VPS13C: variants seen among roughly 807,000 people sequenced by gnomAD.
VPS13C encodes vacuolar protein sorting 13 homolog C.
A neutral mutation model predicts 456.8 loss-of-function variants in VPS13C; 358 were observed. That is an observed-to-expected ratio of 0.78 (90% CI 0.72 to 0.86). The LOEUF (loss-of-function observed/expected upper bound fraction) is 0.86. VPS13C is among the 40% of genes least tolerant of loss of function. The pLI is 0.00. For synonymous variants in VPS13C, 1,578 were observed against 1,486.7 expected, an observed-to-expected ratio of 1.06 and a Z score of -1.41; for missense variants, 4,818 against 4,385.4, an observed-to-expected ratio of 1.10 and a Z score of -2.79.
Position 61,853,059 on chromosome 15 carries a change from G to A in VPS13C, c.*1398C>T, listed in dbSNP as rs1893728829. ...TCAACCAAAAAACTTACATATTTTT[G>A]AGTATTTTTTAAAGTTTTAATAGTT... is the stretch of plus-strand genomic sequence containing the variant. On this transcript the variant is annotated 3_prime_UTR_variant, in exon 85 of 85. Coordinates refer to ENST00000644861, the MANE Select transcript of VPS13C (RefSeq NM_020821.3). 6.6e-6 allele frequency: 1 copy of A among 151,968 alleles called. No individual in the cohort carries two copies. Among genetic ancestry groups the A allele is most frequent in the Non-Finnish European group, 1.5e-5 (1 of 67,968 alleles). 9.4% of individuals were successfully genotyped at this position (151,968 alleles called of 1,614,324 possible). A position where few individuals can be genotyped will look rare whatever the true frequency, so the allele number is the denominator to read the frequency against.
intron 67 of VPS13C, among the ~76,000 whole-genome samples, chr15:61,888,743 G>A (rs947951754): frequency 6.6e-6 from 1 of 152,066 alleles, no homozygotes; most frequent in Non-Finnish European, 1.5e-5. Flanking sequence ...GACTTTTAGG[G>A]CAGTGAAACT....
At chr15:61,908,305 T>C (rs756371624) in intron 65 of VPS13C, among the ~76,000 whole-genome samples, 12 of 151,956 alleles carry the variant, frequency 7.9e-5, no homozygotes, top group Non-Finnish European at 1.3e-4. Flanking sequence ...AATTTACATA[T>C]ATACATACAT....
At chr15:61,883,203 CT>C (rs35797570) in intron 68 of VPS13C, among the ~76,000 whole-genome samples, 128 of 140,494 alleles carry the variant, frequency 9.1e-4, no homozygotes, top group African/African-American at 8.6e-4. Context: ...ATTTTATTAT[CT>C]TTTTTTTTTT....
rs1005897861 is a variant in VPS13C, at chr15:61,875,566, T to C, written c.10338+166A>G. Among the ~76,000 whole-genome samples, 13 of 152,184 alleles carry C rather than the reference T, an allele frequency of 8.5e-5. No homozygotes were observed. The East Asian group carries it at 2.3e-3, about 27-fold the overall frequency. On this transcript the variant is annotated intron_variant, in intron 76 of 84. Coordinates refer to ENST00000644861, the MANE Select transcript of VPS13C (RefSeq NM_020821.3). ...CATTAAATTCTAAACAATCATCCAA[T>C]GTTATCTCATGTACCTTTAAATAAA...
rs2046940161 is a variant in VPS13C, at chr15:62,008,734, A to G, written c.1039T>C (p.Ser347Pro). 2 of 1,604,568 alleles carry G rather than the reference A, an allele frequency of 1.2e-6. No individual in the cohort carries two copies. Among genetic ancestry groups the G allele is most frequent in the Admixed American group, 3.4e-5 (2 of 59,482 alleles). ...GCATTCCTAACCATATAATCCACTG[A>G]CTCCAAAAGGTCAATCATACTTAAG... is the stretch of plus-strand genomic sequence containing the variant. ...QYLSMIDLLE[S>P]VDYMVRNAPY... is the part of the protein sequence containing the mutation. The change falls in exon 14 of 85, where the codon TCA becomes CCA. Residue 347 changes from serine (S) to proline (P), a missense_variant. By Grantham distance (74) the Ser-to-Pro change is moderately conservative (BLOSUM62 -1). Around this residue, in one of 3 missense-constraint regions of VPS13C, gnomAD observed 4,552 missense variants for 4,130.6 expected, o/e 1.10. Transcript: ENST00000644861.
chr15:61,964,710 G>C lies in VPS13C; in HGVS notation c.3203C>G (p.Thr1068Ser). The change falls in exon 31 of 85, where the codon ACT (threonine) becomes AGT (serine). Residue 1068 changes from threonine (T) to serine (S), a missense_variant. Thr to Ser is a moderately conservative substitution (Grantham distance 58). This residue lies in a region of VPS13C where 4,552 missense variants were observed against 4,130.6 expected (regional missense o/e 1.10). Transcript: ENST00000644861. Reference protein sequence around the residue: ...ISTEKQQKNSTLPKAIVSSRD... With the variant: ...ISTEKQQKNSSLPKAIVSSRD... ...TGTATGTTTCATACCTTTTGGCAGA[G>C]TTGAATTTTTTTGTTGTTTTTCAGT... The C allele has an allele frequency of 6.2e-7, 1 of 1,600,570 alleles. No homozygotes were observed. Among genetic ancestry groups the C allele is most frequent in the Non-Finnish European group, 8.5e-7 (1 of 1,175,904 alleles).
chr15:62,045,116 A>G (rs917304988), intron 1 of VPS13C, among the ~76,000 whole-genome samples: 1 of 152,128 alleles, frequency 6.6e-6, no homozygotes, highest in Non-Finnish European at 1.5e-5. Context: ...ACATCATTTT[A>G]GAGATCTGCT....
chr15:61,924,335 A>T (rs2043769862), intron 53 of VPS13C, among the ~76,000 whole-genome samples: 1 of 152,216 alleles, frequency 6.6e-6, no homozygotes, highest in Admixed American at 6.5e-5. Context: ...TCTGAATTAA[A>T]GGCCCCATGC....
intron 53 of VPS13C, 113 bp downstream of exon 53, chr15:61,925,343 T>C (rs780990559): frequency 4.0e-6 from 2 of 502,886 alleles, no homozygotes; most frequent in Admixed American, 8.2e-5. Context: ...AATATGTGAC[T>C]AGCATAATGC....
At chr15:61,897,762 A>C (rs2042873532) in intron 66 of VPS13C, among the ~76,000 whole-genome samples, 1 of 152,160 alleles carries the variant, frequency 6.6e-6, no homozygotes, top group Non-Finnish European at 1.5e-5. Flanking sequence ...CACCACAAAG[A>C]TACTCCTCGA....
chr15:61,866,919 T>C, intron 81 of VPS13C: 2 of 984,618 alleles, frequency 2.0e-6, no homozygotes, highest in Non-Finnish European at 1.2e-6. Flanking sequence ...TTTGGCTTCA[T>C]TTCTGAGGAG....
At chr15:61,967,292 C>G in intron 29 of VPS13C, 76 bp downstream of exon 29, 1 of 1,269,278 alleles carries the variant, frequency 7.9e-7, no homozygotes, top group Non-Finnish European at 1.1e-6. Context: ...CCATTAGTAA[C>G]TTACTGTCAT....
rs2043311357 is a variant in VPS13C at position 61,911,881 on chromosome 15, A to G, written c.8674T>C (p.Ser2892Pro). Reference protein sequence around the residue: ...LEVGEIASDGSMPTNKWNYIA... With the variant: ...LEVGEIASDGPMPTNKWNYIA... Reference sequence around the variant, plus strand: ...TAGTTCCATTTATTAGTTGGCATTGAGCCATCAGATGCAATCTCGCCAACT... The same window carrying G: ...TAGTTCCATTTATTAGTTGGCATTGGGCCATCAGATGCAATCTCGCCAACT... Residue 2892 changes from serine (S) to proline (P), a missense_variant, in exon 63 of 85, where the codon TCA (serine) becomes CCA (proline). This residue lies in a region of VPS13C where 4,552 missense variants were observed against 4,130.6 expected (regional missense o/e 1.10). Coordinates refer to ENST00000644861, the MANE Select transcript of VPS13C (RefSeq NM_020821.3). 14 of 1,612,440 alleles carry G rather than the reference A, an allele frequency of 8.7e-6. No individual in the cohort carries two copies. Among genetic ancestry groups the G allele is most frequent in the Non-Finnish European group, 1.2e-5 (14 of 1,179,176 alleles).
chr15:61,856,342 C>G lies in VPS13C; in HGVS notation c.11020G>C (p.Glu3674Gln), dbSNP rs773768472. Residue 3674 changes from glutamate to glutamine, a missense_variant, in exon 83 of 85, where the codon GAA becomes CAA. Physicochemically the swap from Glu to Gln is conservative, Grantham distance 29. Around this residue, in one of 3 missense-constraint regions of VPS13C, gnomAD observed 261 missense variants for 234.1 expected, o/e 1.11. Coordinates refer to ENST00000644861, the MANE Select transcript of VPS13C (RefSeq NM_020821.3). Reference sequence around the variant, plus strand: ...ACACTAGGAGGAAATACAAAATCTTCAAATGGACATTGCCAGTCTACACAC... The same window carrying G: ...ACACTAGGAGGAAATACAAAATCTTGAAATGGACATTGCCAGTCTACACAC... Reference protein sequence around the residue: ...LMCVDWQCPFEDFVFPPSVSE... With the variant: ...LMCVDWQCPFQDFVFPPSVSE... 1 of 1,613,312 alleles carries G rather than the reference C, an allele frequency of 6.2e-7. No homozygotes were observed. Among genetic ancestry groups the G allele is most frequent in the Admixed American group, 1.7e-5 (1 of 59,952 alleles).
chr15:62,047,616 G>C (rs377347542), intron 1 of VPS13C, among the ~76,000 whole-genome samples: 63 of 152,220 alleles, frequency 4.1e-4, no homozygotes, highest in African/African-American at 1.4e-3. Context: ...CAAAGAATAG[G>C]GGAGGAATAA....
intron 11 of VPS13C, 57 bp from the exon 12 acceptor site, chr15:62,012,221 GAC>G (rs67220908): frequency 0.036 from 18,388 of 505,672 alleles, 39 homozygotes; most frequent in Middle Eastern, 0.057. Flanking sequence ...TTCAGACTCA[GAC>G]ACACACACAC....
At chr15:62,015,427 C>T (rs971296568) in intron 9 of VPS13C, among the ~76,000 whole-genome samples, 9 of 151,824 alleles carry the variant, frequency 5.9e-5, no homozygotes, top group Non-Finnish European at 4.4e-5. Flanking sequence ...GAAGTCCTTG[C>T]CCACGCCTAT....
At chr15:61,881,720 T>TTTAA in intron 70 of VPS13C, 27 bp downstream of exon 70, 1 of 1,605,482 alleles carries the variant, frequency 6.2e-7, no homozygotes, top group Non-Finnish European at 8.5e-7. Flanking sequence ...ATAAGGTATA[T>TTTAA]CTATGTCACA....
intron 24 of VPS13C, 40 bp from the exon 25 acceptor site, chr15:61,974,457 C>T (rs1412539620): frequency 2.5e-6 from 4 of 1,598,800 alleles, no homozygotes; most frequent in Non-Finnish European, 3.4e-6. Flanking sequence ...AGCATCTCTA[C>T]ATTACAAACG....
Sources: allele counts gnomAD v4.1 joint callset (sites outside exome capture counted in the v4.1 genomes callset), GRCh38; gene constraint gnomAD v4.1.1; regional missense constraint gnomAD v4.1.1; transcripts MANE v1.5; gene names NCBI Gene and HGNC (gene_info 2026-07-23, HGNC 2026-07-21).